Variants in KCNAB1 observed in about 807,000 individuals in gnomAD.
The protein encoded by KCNAB1 is potassium voltage-gated channel subfamily A regulatory beta subunit 1.
Under a neutral mutation model 64.6 loss-of-function variants are expected in KCNAB1, and 35 were observed. That is an observed-to-expected ratio of 0.54 (90% CI 0.41 to 0.72). The LOEUF is 0.72. Among genes scored for constraint, KCNAB1 ranks in the 30% least tolerant of loss-of-function variants. The pLI is 0.00. For missense variants in KCNAB1, 401 were observed against 512.9 expected (o/e 0.78, Z 2.11); for synonymous variants, 177 against 183.8 (o/e 0.96, Z 0.30).
intron 8 of KCNAB1, among the ~76,000 whole-genome samples, chr3:156,492,101 C>T (rs1223660316): frequency 6.6e-6 from 1 of 152,042 alleles, no homozygotes; most frequent in African/African-American, 2.4e-5. Flanking sequence ...CCCTAGTGCT[C>T]CTATAAAAAT....
Position 156,237,147 on chromosome 3 carries a change from G to A in KCNAB1, c.275+116261G>A, listed in dbSNP as rs145095314. On this transcript the variant is annotated intron_variant, in intron 1 of 13. Transcript: ENST00000490337. ...GCTTGAAAGGAGTTTATTGGTTTTA[G>A]CCCCTCATATAAATCATTTTCTTTG... Among the ~76,000 whole-genome samples the A allele has an allele frequency of 5.1e-3, 774 of 152,176 alleles. 6 individuals carry two copies. The highest frequency in any genetic ancestry group is 0.017 in the African/African-American group (711 of 41,532).
intron 1 of KCNAB1, among the ~76,000 whole-genome samples, chr3:156,356,677 C>T (rs1477137014): frequency 6.6e-6 from 1 of 152,208 alleles, no homozygotes; most frequent in African/African-American, 2.4e-5. Context: ...GTTAAATCTA[C>T]AGTTATCTTG....
chr3:156,423,668 C>T (rs1033679445), intron 2 of KCNAB1, among the ~76,000 whole-genome samples: 12 of 152,128 alleles, frequency 7.9e-5, no homozygotes, highest in Non-Finnish European at 1.3e-4. Context: ...TTCTTCTAGA[C>T]ATGTTCAGCT....
chr3:156,323,106 G>T (rs3772232), intron 1 of KCNAB1, among the ~76,000 whole-genome samples: 7,070 of 152,198 alleles, frequency 0.046, 191 homozygotes, highest in South Asian at 0.089. Flanking sequence ...CTTAGTTGTG[G>T]ATTTACCTTC....
Position 156,176,216 on chromosome 3 carries a change from C to G in KCNAB1, c.275+55330C>G. The G allele has an allele frequency of 5.1e-6, 4 of 781,076 alleles. No individual in the cohort carries two copies. The Middle Eastern group carries it at 6.9e-4, about 134-fold the overall frequency. 48.4% of individuals were successfully genotyped at this position (781,076 alleles called of 1,614,324 possible). On this transcript the variant is annotated intron_variant, in intron 1 of 13. Transcript: ENST00000490337. The stretch of plus-strand genomic sequence containing the variant: ...CTTAAGGTCAGGCCAGTCACTGAAT[C>G]TGCATGGCCTGTCATGGTGTAGGTT...
rs373268817 is a variant in KCNAB1, at chr3:156,488,510, T to C, written c.658+13690T>C. 5.9e-5 allele frequency among the ~76,000 whole-genome samples: 9 copies of C among 152,072 alleles called. No individual in the cohort carries two copies. In the South Asian group the frequency reaches 1.7e-3, roughly 28 times the overall value. On this transcript the variant is annotated intron_variant, in intron 8 of 13. Transcript: ENST00000490337. Reference sequence around the variant, plus strand: ...TCATGTTTGAGGAACGTCAAGGACATAGATGTGGCTGCAGCAGAGTAAGGA... The same window carrying C: ...TCATGTTTGAGGAACGTCAAGGACACAGATGTGGCTGCAGCAGAGTAAGGA...
chr3:156,407,170 G>A (rs1438292317), intron 1 of KCNAB1, among the ~76,000 whole-genome samples: 2 of 152,096 alleles, frequency 1.3e-5, no homozygotes, highest in Non-Finnish European at 2.9e-5. Flanking sequence ...AATCTCATCT[G>A]GTCCTGCTCT....
chr3:156,387,249 T>G (rs1197770756), intron 1 of KCNAB1, among the ~76,000 whole-genome samples: 1 of 152,010 alleles, frequency 6.6e-6, no homozygotes, highest in African/African-American at 2.4e-5. Context: ...ACCTTTGTGC[T>G]GTAGGGATTG....
chr3:156,317,520 G>A (rs1001298880), intron 1 of KCNAB1, among the ~76,000 whole-genome samples: 4 of 151,338 alleles, frequency 2.6e-5, no homozygotes, highest in Non-Finnish European at 5.9e-5. Flanking sequence ...CCATTAATAC[G>A]TGTGGTAATA....
At chr3:156,137,774 T>C (rs1714450528) in intron 1 of KCNAB1, among the ~76,000 whole-genome samples, 3 of 151,462 alleles carry the variant, frequency 2.0e-5, no homozygotes, top group African/African-American at 7.3e-5. Flanking sequence ...CAGACTGGTC[T>C]CGAACTCCTG....
At chr3:156,425,454 A>T (rs1429232820) in intron 2 of KCNAB1, among the ~76,000 whole-genome samples, 1 of 152,136 alleles carries the variant, frequency 6.6e-6, no homozygotes, top group African/African-American at 2.4e-5. Flanking sequence ...AAAAATATTA[A>T]TATTATGTGG....
At chr3:156,438,477 T>C (rs1376736188) in intron 2 of KCNAB1, among the ~76,000 whole-genome samples, 3 of 152,232 alleles carry the variant, frequency 2.0e-5, no homozygotes, top group African/African-American at 7.2e-5. Flanking sequence ...TTTTCTAAGC[T>C]TTGTTAAGAC....
intron 2 of KCNAB1, among the ~76,000 whole-genome samples, chr3:156,450,161 G>A (rs1193703798): frequency 6.6e-6 from 1 of 152,192 alleles, no homozygotes; most frequent in African/African-American, 2.4e-5. Flanking sequence ...TGGACTTGGG[G>A]ATAGTGTACC....
At chr3:156,319,983 G>A (rs1722545295) in intron 1 of KCNAB1, among the ~76,000 whole-genome samples, 1 of 152,134 alleles carries the variant, frequency 6.6e-6, no homozygotes, top group African/African-American at 2.4e-5. Flanking sequence ...AACTTCGTGA[G>A]CATCCTATCC....
At chr3:156,210,501 T>G (rs1389812701) in intron 1 of KCNAB1, among the ~76,000 whole-genome samples, 1 of 152,192 alleles carries the variant, frequency 6.6e-6, no homozygotes, top group Non-Finnish European at 1.5e-5. Context: ...AGAGAGCCAG[T>G]CATCATGATA....
intron 1 of KCNAB1, among the ~76,000 whole-genome samples, chr3:156,234,813 C>G (rs1208156681): frequency 6.6e-6 from 1 of 152,142 alleles, no homozygotes; most frequent in Non-Finnish European, 1.5e-5. Flanking sequence ...GTTAATGTTT[C>G]TCCCTGAAAA....
At chr3:156,291,840 T>A in intron 1 of KCNAB1, 2 of 1,601,714 alleles carry the variant, frequency 1.2e-6, no homozygotes, top group Non-Finnish European at 1.7e-6. Flanking sequence ...TCCCCGCAAC[T>A]GCTCAACCTC....
intron 2 of KCNAB1, among the ~76,000 whole-genome samples, chr3:156,430,303 GT>G (rs1030113043): frequency 5.3e-5 from 8 of 152,180 alleles, no homozygotes; most frequent in African/African-American, 1.9e-4. Context: ...ACACAGAGGG[GT>G]TTATTCAACA....
At chr3:156,195,807 C>G (rs1249779553) in intron 1 of KCNAB1, among the ~76,000 whole-genome samples, 1 of 152,148 alleles carries the variant, frequency 6.6e-6, no homozygotes, top group African/African-American at 2.4e-5. Context: ...GGCCATTTGT[C>G]AATTTTGGCT....
Sources: gnomAD v4.1 joint callset for allele counts (sites outside exome capture counted in the v4.1 genomes callset) on GRCh38, gnomAD v4.1.1 for gene constraint, MANE v1.5 for transcripts, NCBI Gene and HGNC (gene_info 2026-07-23, HGNC 2026-07-21) for gene names.